SLC34A3: variants seen among roughly 807,000 people sequenced by gnomAD.
The protein encoded by SLC34A3 is sodium-dependent phosphate transport protein 2C.
A neutral mutation model predicts 43.9 loss-of-function variants in SLC34A3; 60 were observed. That is an observed-to-expected ratio of 1.37 (90% CI 1.11 to 1.70). SLC34A3 has a LOEUF of 1.70. SLC34A3 is among the 40% of genes most tolerant of loss of function. The pLI is 0.00. For synonymous variants in SLC34A3, 451 were observed against 386.2 expected (o/e 1.17, Z -1.97); for missense variants, 969 against 823.8 (o/e 1.18, Z -2.16).
At position 137,235,943 on chromosome 9, in the gene SLC34A3, C is replaced by T. The variant is rs374515411; in HGVS notation, c.1336-9C>T. 2.7e-5 allele frequency: 44 copies of T among 1,610,714 alleles called. No homozygotes were observed. The highest frequency in any genetic ancestry group is 1.4e-4 in the South Asian group (13 of 90,986). On this transcript the variant is annotated splice_polypyrimidine_tract_variant and intron_variant, in intron 12 of 12. Coordinates refer to ENST00000673835, the MANE Select transcript of SLC34A3 (RefSeq NM_001177316.2). ...GGGCCCAGGCCCCTGACAGCCCCCT[C>T]GCCCCCAGGTCGCCCTCATCCACTT...
At chr9:137,231,843 G>A in intron 2 of SLC34A3, 56 bp downstream of exon 2, 1 of 1,449,452 alleles carries the variant, frequency 6.9e-7, no homozygotes, top group Non-Finnish European at 9.7e-7. Context: ...CACCCCCCAG[G>A]CACTGGGCAG....
At chr9:137,233,976 C>G in intron 9 of SLC34A3, 35 bp downstream of exon 9, 1 of 1,498,786 alleles carries the variant, frequency 6.7e-7, no homozygotes, top group Middle Eastern at 2.3e-4. Context: ...CCCTACACCC[C>G]CCACACTCCC....
chr9:137,233,449 G>A lies in SLC34A3; in HGVS notation c.756+45G>A, dbSNP rs767151177. The A allele has an allele frequency of 5.7e-6, 9 of 1,590,978 alleles. No homozygotes were observed. The Admixed American group carries it at 1.6e-4, about 28-fold the overall frequency. The stretch of plus-strand genomic sequence containing the variant: ...CCGCCCAGAGAGCCTGAGCAGGCCG[G>A]ATGGGAGGAGGGGAGGCCCGCCCTG... On this transcript the variant is annotated intron_variant, in intron 7 of 12. Coordinates refer to ENST00000673835, the MANE Select transcript of SLC34A3 (RefSeq NM_001177316.2).
upstream of SLC34A3, among the ~76,000 whole-genome samples, chr9:137,230,342 G>A (rs962370388): frequency 6.6e-6 from 1 of 152,176 alleles, no homozygotes; most frequent in Non-Finnish European, 1.5e-5. Flanking sequence ...GCAGCCTGCT[G>A]GGCCCAACCC....
rs1420335674 is a variant in SLC34A3, at chr9:137,234,958, C to A, written c.1335+227C>A. 3.9e-4 allele frequency among the ~76,000 whole-genome samples: 59 copies of A among 152,160 alleles called. No individual in the cohort carries two copies. Among genetic ancestry groups the A allele is most frequent in the Non-Finnish European group, 1.0e-4 (7 of 68,020 alleles). ...CTCCTCCCTTGAGACCTCCTCACTTCCACATTTTCTCAGCTCTTTGCTGTG... is the reference window on the plus strand; with the variant it reads ...CTCCTCCCTTGAGACCTCCTCACTTACACATTTTCTCAGCTCTTTGCTGTG... On this transcript the variant is annotated intron_variant, in intron 12 of 12. Coordinates refer to ENST00000673835, the MANE Select transcript of SLC34A3 (RefSeq NM_001177316.2). The surrounding 1 kb of genome is among the most constrained non-coding windows in gnomAD (Gnocchi z 6.9).
chr9:137,232,160 A>G lies in SLC34A3; in HGVS notation c.174A>G (p.Lys58=). 1.9e-6 allele frequency: 3 copies of G among 1,612,948 alleles called. No homozygotes were observed. Among genetic ancestry groups the G allele is most frequent in the Middle Eastern group, 3.3e-4 (2 of 6,060 alleles). The change falls in exon 3 of 13, where the codon AAA becomes AAG. Residue 58 remains lysine (K), a splice_region_variant and synonymous_variant. Coordinates refer to ENST00000673835, the MANE Select transcript of SLC34A3 (RefSeq NM_001177316.2). ...PQLKDTSQPW[K]ELRVAGRLRR... is the part of the protein sequence containing the mutation. ...TGAAGGACACAAGCCAGCCCTGGAA[A>G]GGTGGGTCTGGAGGTTCCGGGGGTG...
intron 8 of SLC34A3, 59 bp downstream of exon 8, chr9:137,233,781 C>CCCCCCCCCCCCCCCCCCCCCA: frequency 1.4e-6 from 1 of 690,486 alleles, no homozygotes; most frequent in Non-Finnish European, 2.4e-6. Flanking sequence ...CTGAGTCATC[C>CCCCCCCCCCCCCCCCCCCCCA]CGCCCCACCC....
Position 137,232,642 on chromosome 9 carries a change from C to A in SLC34A3, c.243C>A (p.Gly81=). 6.2e-7 allele frequency: 1 copy of A among 1,612,738 alleles called. No individual in the cohort carries two copies. The highest frequency in any genetic ancestry group is 8.5e-7 in the Non-Finnish European group (1 of 1,179,904). Residue 81 remains glycine (G), a synonymous_variant, in exon 4 of 13, where the codon GGC becomes GGA. Transcript: ENST00000673835. ...TCCTCAAGGCCTGCGGGCTCCTCGG[C>A]AGCCTGTACTTCTTCATCTGCTCTC... ...GSVLKACGLL[G]SLYFFICSLD...
rs1283799215 is a variant in SLC34A3 at position 137,232,774 on chromosome 9, GC to G, written c.305-8del. 1 of 1,612,896 alleles carries G rather than the reference GC, an allele frequency of 6.2e-7. No homozygotes were observed. The highest frequency in any genetic ancestry group is 1.3e-5 in the African/African-American group (1 of 74,940). ...TCCGCAGCTTCAGCGCACCTCTCTTGCCGGTGTAGGCAAAGTGGCCGGAGAC... is the reference window on the plus strand; with the variant it reads ...TCCGCAGCTTCAGCGCACCTCTCTTGCGGTGTAGGCAAAGTGGCCGGAGAC... On this transcript the variant is annotated splice_polypyrimidine_tract_variant and intron_variant, in intron 4 of 12. Transcript: ENST00000673835.
At position 137,233,065 on chromosome 9, in the gene SLC34A3, C is replaced by T. The variant is rs752914689; in HGVS notation, c.510C>T (p.Thr170=). 1 of 1,611,872 alleles carries T rather than the reference C, an allele frequency of 6.2e-7. No homozygotes were observed. Among genetic ancestry groups the T allele is most frequent in the Non-Finnish European group, 8.5e-7 (1 of 1,179,918 alleles). ...IMGVNVGTSI[T]STLVSMAQSG... ...GTGTCAACGTAGGCACATCCATCAC[C>T]AGCACCCTGGTCTCAATGGCGCAGT... The change falls in exon 6 of 13, where the codon ACC becomes ACT. Residue 170 remains threonine, a synonymous_variant. Coordinates refer to ENST00000673835, the MANE Select transcript of SLC34A3 (RefSeq NM_001177316.2).
At chr9:137,232,215 G>T (rs1836261665) in intron 3 of SLC34A3, 54 bp downstream of exon 3, 1 of 1,529,082 alleles carries the variant, frequency 6.5e-7, no homozygotes, top group East Asian at 2.2e-5. Flanking sequence ...TCCCCAACGG[G>T]ACTGGGGAGA....
chr9:137,234,082 C>G lies in SLC34A3; in HGVS notation c.926-27C>G. On this transcript the variant is annotated intron_variant, in intron 9 of 12. Coordinates refer to ENST00000673835, the MANE Select transcript of SLC34A3 (RefSeq NM_001177316.2). The surrounding 1 kb of genome is among the most constrained non-coding windows in gnomAD (Gnocchi z 6.9). ...ACCCCGGCCCACCCCCCAGGCTCCCCCTCACCTGCCCCTGCCCTGCCCCCA... is the reference window on the plus strand; with the variant it reads ...ACCCCGGCCCACCCCCCAGGCTCCCGCTCACCTGCCCCTGCCCTGCCCCCA... 1 of 1,528,318 alleles carries G rather than the reference C, an allele frequency of 6.5e-7. No individual in the cohort carries two copies. The highest frequency in any genetic ancestry group is 8.8e-7 in the Non-Finnish European group (1 of 1,139,926). 94.7% of individuals were successfully genotyped at this position (1,528,318 alleles called of 1,614,324 possible).
Position 137,236,512 on chromosome 9 carries a change from A to C in SLC34A3, c.*96A>C. On this transcript the variant is annotated 3_prime_UTR_variant, in exon 13 of 13. Coordinates refer to ENST00000673835, the MANE Select transcript of SLC34A3 (RefSeq NM_001177316.2). ...TCCCCGCGGCAGCTGACCTCCGGTC[A>C]CCTGCTTCCCCTTCTGTGCAAATAA... The C allele has an allele frequency of 9.9e-7, 1 of 1,013,940 alleles. No homozygotes were observed. The highest frequency in any genetic ancestry group is 1.5e-6 in the Non-Finnish European group (1 of 673,080). 62.8% of individuals were successfully genotyped at this position (1,013,940 alleles called of 1,614,324 possible).
Position 137,234,863 on chromosome 9 carries a change from A to G in SLC34A3, c.1335+132A>G, listed in dbSNP as rs1263888974. The G allele has an allele frequency of 7.3e-7, 1 of 1,378,338 alleles. No individual in the cohort carries two copies. The highest frequency in any genetic ancestry group is 2.4e-5 in the East Asian group (1 of 41,634). The allele number at this position is 1,378,338 out of a possible 1,614,324, so 85.4% of individuals were successfully genotyped here. A position where few individuals can be genotyped will look rare whatever the true frequency, so the allele number is the denominator to read the frequency against. On this transcript the variant is annotated intron_variant, in intron 12 of 12. Transcript: ENST00000673835. The surrounding 1 kb of genome is among the most constrained non-coding windows in gnomAD (Gnocchi z 6.9). ...TTCCTGGACCCCTTCCCTGGCCGCC[A>G]GCCTCAGCCCTGCTGCTCTGCCTCC...
chr9:137,231,839 C>G (rs1235643207), intron 2 of SLC34A3, 52 bp downstream of exon 2: 2 of 1,479,186 alleles, frequency 1.4e-6, no homozygotes, highest in Non-Finnish European at 9.5e-7. Context: ...CACCCACCCC[C>G]CAGGCACTGG....
Position 137,234,175 on chromosome 9 carries a change from C to A in SLC34A3, c.992C>A (p.Ser331Tyr). The A allele has an allele frequency of 1.2e-6, 2 of 1,605,290 alleles. No individual in the cohort carries two copies. The highest frequency in any genetic ancestry group is 1.7e-6 in the Non-Finnish European group (2 of 1,178,384). Reference protein sequence around the residue: ...LAVGCILLAGSLLVLCGCLVL... With the variant: ...LAVGCILLAGYLLVLCGCLVL... ...GTGGGCTGCATCCTGCTGGCCGGCT[C>A]CCTGCTGGTGCTCTGCGGCTGCCTG... is the stretch of plus-strand genomic sequence containing the variant. Residue 331 changes from serine to tyrosine, a missense_variant, in exon 10 of 13, where the codon TCC (serine) becomes TAC (tyrosine). By Grantham distance (144) the Ser-to-Tyr change is moderately radical. Coordinates refer to ENST00000673835, the MANE Select transcript of SLC34A3 (RefSeq NM_001177316.2). The surrounding 1 kb of genome is among the most constrained non-coding windows in gnomAD (Gnocchi z 6.9).
intron 3 of SLC34A3, 63 bp downstream of exon 3, chr9:137,232,224 G>T: frequency 6.7e-7 from 1 of 1,500,680 alleles, no homozygotes; most frequent in Non-Finnish European, 9.3e-7. Context: ...GGACTGGGGA[G>T]ACAGAGCAGG....
rs1836253046 is a variant in SLC34A3, at chr9:137,232,080, A to C, written c.94A>C (p.Ser32Arg). 6.2e-7 allele frequency: 1 copy of C among 1,613,172 alleles called. No individual in the cohort carries two copies. The highest frequency in any genetic ancestry group is 1.3e-5 in the African/African-American group (1 of 75,044). Residue 32 changes from serine to arginine, a missense_variant, in exon 3 of 13, where the codon AGT (serine) becomes CGT (arginine). Transcript: ENST00000673835. The part of the protein sequence containing the change: ...EKTLRNEGTS[S>R]SAPVLEEGDT... ...CAATTCTACCTCCACAGGGACCTCC[A>C]GTTCTGCTCCAGTCTTGGAGGAAGG... is the stretch of plus-strand genomic sequence containing the variant.
chr9:137,233,386 C>G lies in SLC34A3; in HGVS notation c.738C>G (p.Leu246=), dbSNP rs770852898. ...PDILKVLTKP[L]THLIVQLDSD... is the part of the protein sequence containing the mutation. Reference sequence around the variant, plus strand: ...TCCTCAAGGTGCTGACGAAGCCGCTCACACACCTCATCGTGCAGGTGAGGA... The same window carrying G: ...TCCTCAAGGTGCTGACGAAGCCGCTGACACACCTCATCGTGCAGGTGAGGA... The change falls in exon 7 of 13, where the codon CTC becomes CTG. Residue 246 remains leucine, a synonymous_variant. Coordinates refer to ENST00000673835, the MANE Select transcript of SLC34A3 (RefSeq NM_001177316.2). 1 of 1,604,624 alleles carries G rather than the reference C, an allele frequency of 6.2e-7. No homozygotes were observed. The highest frequency in any genetic ancestry group is 8.5e-7 in the Non-Finnish European group (1 of 1,177,316).
Sources: allele counts gnomAD v4.1 joint callset (sites outside exome capture counted in the v4.1 genomes callset), GRCh38; gene constraint gnomAD v4.1.1; non-coding constraint Gnocchi (gnomAD v3.1); transcripts MANE v1.5; gene names NCBI Gene and HGNC (gene_info 2026-07-23, HGNC 2026-07-21).